The following DAB1 variants were observed in gnomAD, a reference collection of about 807,000 sequenced individuals.
DAB1 encodes DAB adaptor protein 1.
A neutral mutation model predicts 64.6 loss-of-function variants in DAB1; 15 were observed. The ratio of observed to expected loss-of-function variants is 0.23; its 90% confidence interval spans 0.16 to 0.36. The LOEUF is 0.36. DAB1 is among the 10% of genes least tolerant of loss of function. The probability of loss-of-function intolerance (pLI) is 1.00; values close to 1 mark genes in which losing one functional copy is unlikely to be tolerated. For synonymous variants in DAB1, 235 were observed against 251.9 expected (o/e 0.93, Z 0.64); for missense variants, 596 against 706.7 (o/e 0.84, Z 1.78).
intron 6 of DAB1, among the ~76,000 whole-genome samples, chr1:57,717,587 G>A (rs1437011436): frequency 1.3e-5 from 2 of 152,134 alleles, no homozygotes; most frequent in Non-Finnish European, 2.9e-5. Context: ...CAAAGGAAAT[G>A]AAATCAGTAT....
At chr1:57,428,923 T>C (rs1037710303), upstream of DAB1, among the ~76,000 whole-genome samples, 1 of 150,810 alleles carries the variant, frequency 6.6e-6, no homozygotes, top group African/African-American at 2.4e-5. Flanking sequence ...GTTTGCTTTT[T>C]TTTTTTTGAG....
At chr1:58,344,604 C>G (rs1643974678) in intron 3 of DAB1, among the ~76,000 whole-genome samples, 1 of 152,168 alleles carries the variant, frequency 6.6e-6, no homozygotes, top group African/African-American at 2.4e-5. Flanking sequence ...ATCCGAAAAG[C>G]CCCTTCTGGA....
At chr1:57,422,860 C>A (rs1392866026) in intron 1 of DAB1, among the ~76,000 whole-genome samples, 1 of 152,102 alleles carries the variant, frequency 6.6e-6, no homozygotes, top group Non-Finnish European at 1.5e-5. Flanking sequence ...CACCAAAAAA[C>A]AAAAACAGAG....
intron 1 of DAB1, among the ~76,000 whole-genome samples, chr1:57,353,869 G>T (rs112245740): frequency 4.6e-5 from 7 of 152,112 alleles, no homozygotes; most frequent in Admixed American, 3.3e-4. Context: ...TGCATGAGGC[G>T]AAGTATAAAA....
chr1:57,612,418 G>C (rs1022974287), intron 7 of DAB1, among the ~76,000 whole-genome samples: 9 of 152,046 alleles, frequency 5.9e-5, no homozygotes, highest in African/African-American at 1.9e-4. Context: ...GAATTATCTG[G>C]GTGGGCCCAA....
intron 4 of DAB1, among the ~76,000 whole-genome samples, chr1:58,340,075 T>TA (rs1663214271): frequency 6.6e-6 from 1 of 152,122 alleles, no homozygotes; most frequent in Admixed American, 6.6e-5. Context: ...GTAAAAGTTG[T>TA]AAAAAATAAG....
At chr1:57,641,671 A>C (rs192685885) in intron 7 of DAB1, among the ~76,000 whole-genome samples, 33 of 151,396 alleles carry the variant, frequency 2.2e-4, no homozygotes, top group Admixed American at 5.9e-4. Context: ...TTTTTTTATA[A>C]TTCAGTAACC....
At chr1:57,434,801 A>C (rs1685630381) in intron 7 of DAB1, among the ~76,000 whole-genome samples, 2 of 152,164 alleles carry the variant, frequency 1.3e-5, no homozygotes, top group African/African-American at 4.8e-5. Flanking sequence ...TATGTATCTA[A>C]ACATACAAAA....
intron 5 of DAB1, among the ~76,000 whole-genome samples, chr1:58,025,559 TAGAG>T (rs1220527350): frequency 6.8e-6 from 1 of 146,386 alleles, no homozygotes; most frequent in Admixed American, 6.9e-5. Flanking sequence ...TATATATATA[TAGAG>T]AGAGAGCCTT....
At chr1:57,727,689 TTC>T (rs1009642889) in intron 6 of DAB1, among the ~76,000 whole-genome samples, 22 of 125,690 alleles carry the variant, frequency 1.8e-4, no homozygotes, top group Admixed American at 6.6e-4. Flanking sequence ...TTCTCTCTTT[TTC>T]TCTGTTTCTC....
intron 7 of DAB1, among the ~76,000 whole-genome samples, chr1:57,442,574 G>A (rs560280114): frequency 2.5e-4 from 38 of 151,812 alleles, no homozygotes; most frequent in African/African-American, 8.9e-4. Context: ...AAAATTTCCT[G>A]TGTTTGCAAA....
chr1:58,021,383 A>G (rs908514271), intron 5 of DAB1, among the ~76,000 whole-genome samples: 1 of 152,248 alleles, frequency 6.6e-6, no homozygotes, highest in African/African-American at 2.4e-5. Context: ...TTACTTCATT[A>G]CCACTATTTT....
At chr1:57,572,023 A>G (rs1645198921) in intron 7 of DAB1, among the ~76,000 whole-genome samples, 2 of 152,222 alleles carry the variant, frequency 1.3e-5, no homozygotes, top group Admixed American at 6.5e-5. Flanking sequence ...TGGACAGTCC[A>G]TGACAAATCC....
intron 1 of DAB1, among the ~76,000 whole-genome samples, chr1:57,386,141 G>C (rs906742738): frequency 2.6e-5 from 4 of 152,090 alleles, no homozygotes; most frequent in Non-Finnish European, 5.9e-5. Context: ...GAAGTCAAGA[G>C]CTTGGCATGT....
At chr1:58,053,075 T>C (rs1037326075) in intron 5 of DAB1, among the ~76,000 whole-genome samples, 15 of 152,124 alleles carry the variant, frequency 9.9e-5, no homozygotes, top group African/African-American at 2.9e-4. Context: ...GAGTAAGAAC[T>C]TACTCACTTC....
intron 1 of DAB1, among the ~76,000 whole-genome samples, chr1:57,309,104 C>T (rs145673807): frequency 1.0e-3 from 157 of 152,224 alleles, no homozygotes; most frequent in African/African-American, 3.0e-3. Context: ...TATGTGTGGT[C>T]CAAGGATATT....
At chr1:57,468,467 T>C (rs932842473) in intron 7 of DAB1, among the ~76,000 whole-genome samples, 7 of 152,188 alleles carry the variant, frequency 4.6e-5, no homozygotes, top group South Asian at 2.1e-4. Flanking sequence ...TAATGAGCAA[T>C]AGGGAGCTAC....
chr1:57,422,100 T>C (rs919358615), intron 1 of DAB1, among the ~76,000 whole-genome samples: 1 of 152,198 alleles, frequency 6.6e-6, no homozygotes, highest in Non-Finnish European at 1.5e-5. Flanking sequence ...GGCACATAAA[T>C]GTACCAACGT....
At chr1:57,329,995 C>A (rs1676519951) in intron 1 of DAB1, among the ~76,000 whole-genome samples, 1 of 152,176 alleles carries the variant, frequency 6.6e-6, no homozygotes, top group Non-Finnish European at 1.5e-5. Flanking sequence ...CAATAGCAGT[C>A]AACCAGGGGA....
Sources: gnomAD v4.1 joint callset for allele counts (sites outside exome capture counted in the v4.1 genomes callset) on GRCh38, gnomAD v4.1.1 for gene constraint, MANE v1.5 for transcripts, NCBI Gene and HGNC (gene_info 2026-07-23, HGNC 2026-07-21) for gene names.